The following ZNF804B variants were observed in gnomAD, a reference collection of about 807,000 sequenced individuals.
ZNF804B encodes the protein zinc finger protein 804B, also known as zinc finger 804B.
Under a neutral mutation model 101.4 loss-of-function variants are expected in ZNF804B, and 80 were observed. The ratio of observed to expected loss-of-function variants is 0.79; its 90% CI spans 0.66 to 0.95. The LOEUF is 0.95. Ranked by LOEUF, ZNF804B falls within the 40% of genes least tolerant of loss-of-function variation. The probability of loss-of-function intolerance (pLI) is 0.00; values close to 1 mark genes in which losing one functional copy is unlikely to be tolerated. For synonymous variants in ZNF804B, 622 were observed against 558.8 expected (o/e 1.11, Z -1.59); for missense variants, 1,673 against 1,561.9 (o/e 1.07, Z -1.20).
intron 1 of ZNF804B, among the ~76,000 whole-genome samples, chr7:88,772,368 T>C (rs922754370): frequency 1.3e-5 from 2 of 152,202 alleles, no homozygotes; most frequent in South Asian, 2.1e-4. Flanking sequence ...TATCACACTC[T>C]GTTTAAATCT....
Position 89,338,025 on chromosome 7 carries a change from G to A in ZNF804B, c.*993G>A, listed in dbSNP as rs560978882. ...TTGTACTAGATATTTATGAAACAAT[G>A]AATAATGATGAATAAATTCACCATC... On this transcript the variant is annotated 3_prime_UTR_variant, in exon 4 of 4. Transcript: ENST00000333190. Among the ~76,000 whole-genome samples, 1 of 152,050 alleles carries A rather than the reference G, an allele frequency of 6.6e-6. No individual in the cohort carries two copies. The highest frequency in any genetic ancestry group is 1.5e-5 in the Non-Finnish European group (1 of 67,924).
At chr7:88,830,074 G>A (rs896022092) in intron 1 of ZNF804B, among the ~76,000 whole-genome samples, 19 of 152,076 alleles carry the variant, frequency 1.2e-4, no homozygotes, top group African/African-American at 4.1e-4. Flanking sequence ...GGCAGGATTT[G>A]TTTAGGGAGT....
Position 89,007,611 on chromosome 7 carries a change from A to G in ZNF804B, c.109-210544A>G, listed in dbSNP as rs917419398. 1.1e-4 allele frequency among the ~76,000 whole-genome samples: 15 copies of G among 141,200 alleles called. No individual in the cohort carries two copies. The East Asian group carries it at 1.8e-3, about 17-fold the overall frequency. 92.6% of individuals were successfully genotyped at this position (141,200 alleles called of 152,430 possible). A position where few individuals can be genotyped will look rare whatever the true frequency, so the allele number is the denominator to read the frequency against. ...TTATATATTATAATTATATATGATT[A>G]TATATATTTATAAATATATATATTT... On this transcript the variant is annotated intron_variant, in intron 1 of 3. Transcript: ENST00000333190.
At chr7:89,020,192 T>C (rs1344290279) in intron 1 of ZNF804B, among the ~76,000 whole-genome samples, 1 of 152,168 alleles carries the variant, frequency 6.6e-6, no homozygotes, top group Non-Finnish European at 1.5e-5. Context: ...ATATTTACTG[T>C]CTTTTTGCTT....
chr7:88,988,519 T>C (rs1793797987), intron 1 of ZNF804B, among the ~76,000 whole-genome samples: 1 of 152,120 alleles, frequency 6.6e-6, no homozygotes. Flanking sequence ...CTATTGCAAA[T>C]GCTTCATAGA....
rs150818692 is a variant in ZNF804B, at chr7:89,171,687, G to C, written c.109-46468G>C. ...TGACCTCAAGTGATCCGCCTGCCTT[G>C]GCCTCCCAAAGTGCTGGGATTACAG... On this transcript the variant is annotated intron_variant, in intron 1 of 3. Transcript: ENST00000333190. 2.9e-3 allele frequency among the ~76,000 whole-genome samples: 438 copies of C among 152,116 alleles called. 2 individuals carry two copies. The highest frequency in any genetic ancestry group is 0.01 in the African/African-American group (422 of 41,492).
Position 88,889,084 on chromosome 7 carries a change from C to T in ZNF804B, c.108+129000C>T, listed in dbSNP as rs577283881. On this transcript the variant is annotated intron_variant, in intron 1 of 3. Transcript: ENST00000333190. ...TGAATTTTGCTTAGGGTAATAGTCT[C>T]CAGTTGAATCCATGTTGCTGCAAAG... is the stretch of plus-strand genomic sequence containing the variant. Among the ~76,000 whole-genome samples the T allele has an allele frequency of 1.4e-4, 22 of 152,218 alleles. No homozygotes were observed. In the South Asian group the frequency reaches 3.9e-3, roughly 27 times the overall value.
At chr7:89,171,347 TTCTTCTTCTTCCTCC>T (rs1791227962) in intron 1 of ZNF804B, among the ~76,000 whole-genome samples, 1 of 112,182 alleles carries the variant, frequency 8.9e-6, no homozygotes, top group Non-Finnish European at 2.0e-5. Flanking sequence ...CTTCTTCTTC[TTCTTCTTCTTCCTCC>T]TCTTCCTCTT....
At chr7:89,013,831 A>G (rs1367551867) in intron 1 of ZNF804B, among the ~76,000 whole-genome samples, 1 of 151,666 alleles carries the variant, frequency 6.6e-6, no homozygotes, top group Non-Finnish European at 1.5e-5. Context: ...TATACAATCA[A>G]CTCTTTTAGG....
At chr7:89,103,527 G>C (rs1233142208) in intron 1 of ZNF804B, among the ~76,000 whole-genome samples, 1 of 151,476 alleles carries the variant, frequency 6.6e-6, no homozygotes, top group Non-Finnish European at 1.5e-5. Context: ...TTCTTGATTT[G>C]GTTTTCACCT....
intron 1 of ZNF804B, among the ~76,000 whole-genome samples, chr7:88,851,737 T>C (rs1302116181): frequency 6.6e-6 from 1 of 152,108 alleles, no homozygotes; most frequent in Non-Finnish European, 1.5e-5. Flanking sequence ...GAGTTTTTTT[T>C]CTTATTATTT....
At chr7:89,150,707 T>A (rs2116404652) in intron 1 of ZNF804B, among the ~76,000 whole-genome samples, 1 of 152,180 alleles carries the variant, frequency 6.6e-6, no homozygotes, top group Non-Finnish European at 1.5e-5. Context: ...AAAAATGAAA[T>A]GCTTACCTAT....
chr7:88,877,007 AATATAT>A lies in ZNF804B; in HGVS notation c.108+116937_108+116942del, dbSNP rs1198344173. Among the ~76,000 whole-genome samples, 16 of 75,180 alleles carry A rather than the reference AATATAT, an allele frequency of 2.1e-4. 1 individual carries two copies. The highest frequency in any genetic ancestry group is 6.6e-4 in the African/African-American group (7 of 10,672). The allele number at this position is 75,180 out of a possible 152,430, so 49.3% of individuals were successfully genotyped here. ...TATACAGAGAATATTTGAAAAAAAA[AATATAT>A]ATATATATATATAATATATATATAT... On this transcript the variant is annotated intron_variant, in intron 1 of 3. Transcript: ENST00000333190.
chr7:89,008,768 CA>C lies in ZNF804B; in HGVS notation c.109-209382del, dbSNP rs911552101. On this transcript the variant is annotated intron_variant, in intron 1 of 3. Transcript: ENST00000333190. ...CAGAGCACTGCTCATAGAATCCTAC[CA>C]AAAAGGAAAAGCTTTCCTTTCACTT... 2.0e-4 allele frequency among the ~76,000 whole-genome samples: 31 copies of C among 152,230 alleles called. 1 individual carries two copies. The highest frequency in any genetic ancestry group is 7.2e-4 in the African/African-American group (30 of 41,556).
At chr7:88,905,457 A>T (rs914870299) in intron 1 of ZNF804B, among the ~76,000 whole-genome samples, 7 of 152,080 alleles carry the variant, frequency 4.6e-5, no homozygotes, top group African/African-American at 1.7e-4. Context: ...TCCCTGGTTC[A>T]GGCAATTCTC....
chr7:89,044,861 G>A (rs1789077027), intron 1 of ZNF804B, among the ~76,000 whole-genome samples: 1 of 152,216 alleles, frequency 6.6e-6, no homozygotes, highest in African/African-American at 2.4e-5. Context: ...ATTTTCTGGA[G>A]AGAAATTCAA....
intron 1 of ZNF804B, among the ~76,000 whole-genome samples, chr7:89,028,928 A>G (rs530946420): frequency 5.3e-5 from 8 of 152,286 alleles, no homozygotes; most frequent in African/African-American, 1.7e-4. Flanking sequence ...ATTTAATTCT[A>G]TGTCCATCAC....
At chr7:89,184,087 A>G (rs1788339784) in intron 1 of ZNF804B, among the ~76,000 whole-genome samples, 1 of 152,144 alleles carries the variant, frequency 6.6e-6, no homozygotes, top group Non-Finnish European at 1.5e-5. Context: ...GAATAGAATG[A>G]TGGAATCATT....
intron 1 of ZNF804B, among the ~76,000 whole-genome samples, chr7:88,770,965 G>A (rs934346375): frequency 2.0e-5 from 3 of 152,118 alleles, no homozygotes; most frequent in African/African-American, 7.2e-5. Flanking sequence ...ACATTTTAAT[G>A]TAGTGCAGGT....
Sources: gnomAD v4.1 joint callset for allele counts (sites outside exome capture counted in the v4.1 genomes callset) on GRCh38, gnomAD v4.1.1 for gene constraint, MANE v1.5 for transcripts, NCBI Gene and HGNC (gene_info 2026-07-23, HGNC 2026-07-21) for gene names.